FNBP4: variants seen among roughly 807,000 people sequenced by gnomAD.
FNBP4 encodes formin binding protein 4, also known as formin-binding protein 4.
In FNBP4, 34 loss-of-function variants were observed where a neutral mutation model predicts 119.3. The ratio of observed to expected loss-of-function variants is 0.28; its 90% confidence interval spans 0.22 to 0.38. FNBP4 has a LOEUF of 0.38. Ranked by LOEUF, FNBP4 falls within the 10% of genes least tolerant of loss-of-function variation. The pLI, the probability that FNBP4 is intolerant of heterozygous loss-of-function variation, is 1.00. For missense variants in FNBP4, 1,112 were observed against 1,228.9 expected, an observed-to-expected ratio of 0.90 and a Z score of 1.42; for synonymous variants, 462 against 430.6, an observed-to-expected ratio of 1.07 and a Z score of -0.90.
chr11:47,760,208 T>C (rs1391948614), intron 2 of FNBP4, among the ~76,000 whole-genome samples: 1 of 151,788 alleles, frequency 6.6e-6, no homozygotes, highest in African/African-American at 2.4e-5. Flanking sequence ...TGAAACTTAT[T>C]AAGCCTAGTG....
chr11:47,762,906 C>CAAAAAAAAAAAA (rs56659957), intron 2 of FNBP4, among the ~76,000 whole-genome samples: 1 of 100,638 alleles, frequency 9.9e-6, no homozygotes, highest in Non-Finnish European at 2.2e-5. Context: ...ACTCTGATTC[C>CAAAAAAAAAAAA]AAAAAAAAAA....
intron 2 of FNBP4, 64 bp downstream of exon 2, chr11:47,765,206 A>C (rs2097644247): frequency 9.3e-7 from 1 of 1,071,886 alleles, no homozygotes; most frequent in Non-Finnish European, 1.4e-6. Flanking sequence ...TCTATGTACA[A>C]ACCCAACTTG....
Position 47,724,731 on chromosome 11 carries a change from G to A in FNBP4, c.2056C>T (p.Leu686Phe), listed in dbSNP as rs1207934703. The change falls in exon 13 of 17, where the codon CTC becomes TTC. Residue 686 changes from leucine to phenylalanine, a missense_variant. Coordinates refer to ENST00000263773, the MANE Select transcript of FNBP4 (RefSeq NM_015308.5). ...GTCCAGAATGGAGTAAGTGGCATGAGTGATGAAGAAGAAACTTGACCAGAA... is the reference window on the plus strand; with the variant it reads ...GTCCAGAATGGAGTAAGTGGCATGAATGATGAAGAAGAAACTTGACCAGAA... The part of the protein sequence containing the change: ...SFSGQVSSSS[L>F]MPLTPFWTLL... 6 of 1,594,738 alleles carry A rather than the reference G, an allele frequency of 3.8e-6. No homozygotes were observed. The highest frequency in any genetic ancestry group is 4.3e-6 in the Non-Finnish European group (5 of 1,168,520).
At chr11:47,723,405 T>C (rs997680973) in intron 14 of FNBP4, 89 bp from the exon 15 acceptor site, 39 of 1,502,730 alleles carry the variant, frequency 2.6e-5, no homozygotes, top group Non-Finnish European at 3.3e-5. Flanking sequence ...TTAGATCACA[T>C]AGAAAATGAT....
chr11:47,725,510 T>C (rs562642527), intron 12 of FNBP4: 1 of 152,422 alleles, frequency 6.6e-6, no homozygotes, highest in East Asian at 1.9e-4. Context: ...ATTTTTACTT[T>C]TGCGATAAAA....
At position 47,760,259 on chromosome 11, in the gene FNBP4, A is replaced by AT. The variant is rs199885568; in HGVS notation, c.313+5010dup. 4.0e-3 allele frequency among the ~76,000 whole-genome samples: 507 copies of AT among 127,912 alleles called. 2 individuals carry two copies. The highest frequency in any genetic ancestry group is 0.016 in the Middle Eastern group (4 of 254). The allele number at this position is 127,912 out of a possible 152,430, so 83.9% of individuals were successfully genotyped here. On this transcript the variant is annotated intron_variant, in intron 2 of 16. Transcript: ENST00000263773. ...GAGAGACATCATAAATTGATCAAAC[A>AT]TTTTTTTTTTTTTTTTTTTTGAGAC...
chr11:47,724,118 T>G lies in FNBP4; in HGVS notation c.2374A>C (p.Lys792Gln). 4 of 1,614,240 alleles carry G rather than the reference T, an allele frequency of 2.5e-6. No homozygotes were observed. Among genetic ancestry groups the G allele is most frequent in the Non-Finnish European group, 3.4e-6 (4 of 1,180,032 alleles). Residue 792 changes from lysine (K) to glutamine (Q), a missense_variant, in exon 14 of 17, where the codon AAA becomes CAA. Physicochemically the swap from Lys to Gln is moderately conservative, Grantham distance 53. Around this residue, in one of 2 missense-constraint regions of FNBP4, gnomAD observed 826 missense variants for 988.8 expected, o/e 0.84. Transcript: ENST00000263773. ...ACTGCAGTGCTAATTTCTGTAGCTT[T>G]CCTCTTTATTCCTTTAGTGGAAGAA... The part of the protein sequence containing the change: ...SSSSTKGIKR[K>Q]ATEISTAVVQ...
chr11:47,739,264 T>C (rs1295248346), intron 8 of FNBP4, among the ~76,000 whole-genome samples: 1 of 152,122 alleles, frequency 6.6e-6, no homozygotes, highest in East Asian at 1.9e-4. Context: ...CCTTATAATA[T>C]AATAGCCTGG....
intron 10 of FNBP4, among the ~76,000 whole-genome samples, chr11:47,733,268 GT>G (rs1335514114): frequency 4.6e-5 from 7 of 151,936 alleles, no homozygotes. Context: ...TTCCCCAGTA[GT>G]TTTACTTTTT....
intron 11 of FNBP4, 38 bp from the exon 12 acceptor site, chr11:47,731,599 GT>G: frequency 6.4e-7 from 1 of 1,573,400 alleles, no homozygotes; most frequent in East Asian, 2.3e-5. Context: ...TTTAAAACCC[GT>G]TCTCCTACAA....
intron 8 of FNBP4, among the ~76,000 whole-genome samples, chr11:47,740,060 A>G (rs1040864391): frequency 2.0e-5 from 3 of 151,950 alleles, no homozygotes; most frequent in Non-Finnish European, 2.9e-5. Context: ...TCGGTCTCCC[A>G]AAGTGCTTGG....
intron 8 of FNBP4, among the ~76,000 whole-genome samples, chr11:47,742,926 A>C (rs2097584290): frequency 6.6e-6 from 1 of 151,690 alleles, no homozygotes; most frequent in South Asian, 2.1e-4. Flanking sequence ...AAAAATTCAA[A>C]CAAGGATGTC....
intron 4 of FNBP4, among the ~76,000 whole-genome samples, chr11:47,752,440 A>C (rs1416155957): frequency 1.4e-5 from 2 of 144,432 alleles, no homozygotes; most frequent in African/African-American, 2.5e-5. Flanking sequence ...AAAAAAAAAA[A>C]CAATTAAATA....
chr11:47,733,347 T>C lies in FNBP4; in HGVS notation c.1687-677A>G, dbSNP rs1475928223. On this transcript the variant is annotated intron_variant, in intron 10 of 16. Transcript: ENST00000263773. ...GTTAAGGATTCAGTTCTTTTTTTTT[T>C]TTAGAGACGGACTCGGACTCTGGCT... 4.6e-5 allele frequency among the ~76,000 whole-genome samples: 7 copies of C among 152,214 alleles called. No individual in the cohort carries two copies. In the East Asian group the frequency reaches 1.4e-3, roughly 29 times the overall value.
intron 2 of FNBP4, 42 bp downstream of exon 2, chr11:47,765,228 A>AGACGT (rs761815143): frequency 2.2e-6 from 3 of 1,346,468 alleles, no homozygotes; most frequent in Non-Finnish European, 3.2e-6. Flanking sequence ...CTTTAATGAA[A>AGACGT]GACGTGGGAG....
At chr11:47,722,164 T>C (rs1440956181) in intron 15 of FNBP4, among the ~76,000 whole-genome samples, 3 of 150,392 alleles carry the variant, frequency 2.0e-5, no homozygotes, top group Non-Finnish European at 4.4e-5. Context: ...TTTTTGTCTG[T>C]TTGATGTACT....
intron 2 of FNBP4, among the ~76,000 whole-genome samples, chr11:47,762,122 G>C (rs2097636341): frequency 6.8e-6 from 1 of 147,832 alleles, no homozygotes; most frequent in Admixed American, 6.9e-5. Flanking sequence ...AGAGGCGTGA[G>C]GCACAGCGTC....
At chr11:47,738,705 G>A (rs960505465) in intron 8 of FNBP4, among the ~76,000 whole-genome samples, 11 of 151,392 alleles carry the variant, frequency 7.3e-5, no homozygotes, top group Non-Finnish European at 1.6e-4. Context: ...TTTTTTTTGA[G>A]ATGGAATCTT....
intron 15 of FNBP4, 138 bp from the exon 16 acceptor site, chr11:47,720,224 G>T: frequency 1.2e-6 from 1 of 832,314 alleles, no homozygotes; most frequent in South Asian, 2.2e-5. Flanking sequence ...ACCATTCTAA[G>T]TTCTTGCCAT....
Sources: allele counts gnomAD v4.1 joint callset (sites outside exome capture counted in the v4.1 genomes callset), GRCh38; gene constraint gnomAD v4.1.1; regional missense constraint gnomAD v4.1.1; transcripts MANE v1.5; gene names NCBI Gene and HGNC (gene_info 2026-07-23, HGNC 2026-07-21).